Variants in AHI1 observed in about 807,000 individuals in gnomAD.
AHI1 encodes the protein jouberin.
A neutral mutation model predicts 149.3 loss-of-function variants in AHI1; 123 were observed. The observed-to-expected ratio is 0.82, with a 90% CI of 0.71 to 0.96. AHI1 has a LOEUF of 0.96. Among genes scored for constraint, AHI1 ranks in the 40% least tolerant of loss-of-function variants. The pLI is 0.00. For missense variants in AHI1, 1,439 were observed against 1,422.7 expected (o/e 1.01, Z -0.18); for synonymous variants, 475 against 459.8 (o/e 1.03, Z -0.42).
At chr6:135,393,336 T>A (rs112717259) in intron 23 of AHI1, among the ~76,000 whole-genome samples, 8 of 152,176 alleles carry the variant, frequency 5.3e-5, no homozygotes, top group African/African-American at 1.9e-4. Context: ...AGATACTGCT[T>A]AAATGAATTT....
At chr6:135,437,578 G>C (rs1004658877) in intron 15 of AHI1, among the ~76,000 whole-genome samples, 1 of 152,200 alleles carries the variant, frequency 6.6e-6, no homozygotes, top group African/African-American at 2.4e-5. Flanking sequence ...ATCAGTAGAA[G>C]AAGTGGTCTG....
At chr6:135,340,681 A>G (rs1329772823) in intron 24 of AHI1, among the ~76,000 whole-genome samples, 1 of 134,446 alleles carries the variant, frequency 7.4e-6, no homozygotes, top group Non-Finnish European at 1.6e-5. Context: ...ATATATATAT[A>G]TATATATATA....
chr6:135,445,553 A>C (rs1390513188), intron 13 of AHI1, among the ~76,000 whole-genome samples: 1 of 152,120 alleles, frequency 6.6e-6, no homozygotes, highest in Non-Finnish European at 1.5e-5. Flanking sequence ...GACATCAAAA[A>C]ATTTTTTTTT....
chr6:135,319,921 G>A (rs1786547767), intron 25 of AHI1, among the ~76,000 whole-genome samples: 1 of 152,142 alleles, frequency 6.6e-6, no homozygotes, highest in Non-Finnish European at 1.5e-5. Context: ...TTCTTTTATT[G>A]TGTTGTTCTC....
chr6:135,436,474 ATAAC>A (rs1235432159), intron 15 of AHI1, among the ~76,000 whole-genome samples: 2 of 152,242 alleles, frequency 1.3e-5, no homozygotes, highest in African/African-American at 4.8e-5. Flanking sequence ...GAAAGCCAGA[ATAAC>A]TGGGCTGAAG....
chr6:135,425,200 A>T (rs1236263759), intron 20 of AHI1, among the ~76,000 whole-genome samples: 1 of 151,980 alleles, frequency 6.6e-6, no homozygotes, highest in Non-Finnish European at 1.5e-5. Context: ...TATATTGCAC[A>T]AATAATTTAA....
At chr6:135,438,346 G>A in intron 15 of AHI1, 29 bp downstream of exon 15, 2 of 1,540,408 alleles carry the variant, frequency 1.3e-6, no homozygotes, top group Non-Finnish European at 1.8e-6. Context: ...CAAACAGCAT[G>A]CACATAAGTA....
chr6:135,405,604 T>C (rs1039065024), intron 21 of AHI1, among the ~76,000 whole-genome samples: 1 of 152,082 alleles, frequency 6.6e-6, no homozygotes, highest in Non-Finnish European at 1.5e-5. Context: ...TCACGCCTTG[T>C]AATCCCAGCA....
chr6:135,458,319 G>C (rs546473833), intron 8 of AHI1, among the ~76,000 whole-genome samples: 1 of 152,256 alleles, frequency 6.6e-6, no homozygotes, highest in Non-Finnish European at 1.5e-5. Flanking sequence ...ACTGCCAGGA[G>C]AATGAGAAAT....
chr6:135,430,946 A>G (rs1467232029), intron 17 of AHI1, among the ~76,000 whole-genome samples: 1 of 152,024 alleles, frequency 6.6e-6, no homozygotes, highest in African/African-American at 2.4e-5. Context: ...ATGTCACCCA[A>G]TGGATTACTG....
chr6:135,492,732 C>G lies in AHI1; in HGVS notation c.-54-441G>C, dbSNP rs1795421578. The G allele has an allele frequency of 3.6e-5, 35 of 985,384 alleles. No individual in the cohort carries two copies. In the South Asian group the frequency reaches 1.5e-3, roughly 41 times the overall value. 61.0% of individuals were successfully genotyped at this position (985,384 alleles called of 1,614,324 possible). On this transcript the variant is annotated intron_variant, in intron 3 of 28. Coordinates refer to ENST00000265602, the MANE Select transcript of AHI1 (RefSeq NM_001134831.2). ...ACACTCACAGTGAATTTAAATACCT[C>G]TGTGTCTGCCACTGAAAATTCTGCT...
intron 24 of AHI1, among the ~76,000 whole-genome samples, chr6:135,334,986 T>G (rs114543549): frequency 0.017 from 2,619 of 152,338 alleles, 34 homozygotes; most frequent in African/African-American, 0.033. Context: ...TAGTTAATAC[T>G]TTATTTTACT....
chr6:135,389,935 A>T (rs1473840466), intron 23 of AHI1, among the ~76,000 whole-genome samples: 7 of 152,176 alleles, frequency 4.6e-5, no homozygotes, highest in Admixed American at 4.6e-4. Context: ...TGTCCAACCC[A>T]TGGGCCACAT....
chr6:135,403,095 A>G (rs1780253038), intron 22 of AHI1, among the ~76,000 whole-genome samples: 1 of 152,140 alleles, frequency 6.6e-6, no homozygotes, highest in Non-Finnish European at 1.5e-5. Context: ...CAAATCTATA[A>G]AGCATATTAA....
chr6:135,363,117 A>G lies in AHI1; in HGVS notation c.3110-4930T>C, dbSNP rs1794178973. On this transcript the variant is annotated intron_variant, in intron 23 of 28. Coordinates refer to ENST00000265602, the MANE Select transcript of AHI1 (RefSeq NM_001134831.2). ...GCAGAGGGGGATTTGGCAGGGTCAC[A>G]GGACAATAGTGGAGGGAAGGTCAGT... 2.0e-5 allele frequency among the ~76,000 whole-genome samples: 3 copies of G among 151,538 alleles called. No homozygotes were observed. The South Asian group carries it at 6.2e-4, about 31-fold the overall frequency.
intron 26 of AHI1, chr6:135,300,854 A>C (rs953420605): frequency 2.4e-5 from 26 of 1,086,270 alleles, no homozygotes; most frequent in Non-Finnish European, 2.9e-5. Context: ...AATCAGTTTA[A>C]ATTAATCTCC....
At chr6:135,496,639 T>C (rs1583540645) in intron 2 of AHI1, among the ~76,000 whole-genome samples, 1 of 152,220 alleles carries the variant, frequency 6.6e-6, no homozygotes, top group Non-Finnish European at 1.5e-5. Context: ...CATTTTATTT[T>C]ACAGACAACC....
intron 11 of AHI1, among the ~76,000 whole-genome samples, 155 bp downstream of exon 11, chr6:135,453,186 A>C (rs888181634): frequency 6.6e-6 from 1 of 152,220 alleles, no homozygotes; most frequent in African/African-American, 2.4e-5. Context: ...AAGAATCTGA[A>C]TGAGCATAAC....
At chr6:135,427,423 T>A in intron 19 of AHI1, 116 bp from the exon 20 acceptor site, 1 of 881,202 alleles carries the variant, frequency 1.1e-6, no homozygotes, top group African/African-American at 1.7e-5. Flanking sequence ...ATGCTCACAT[T>A]ATTTATGTGA....
Sources: gnomAD v4.1 joint callset for allele counts (sites outside exome capture counted in the v4.1 genomes callset) on GRCh38, gnomAD v4.1.1 for gene constraint, MANE v1.5 for transcripts, NCBI Gene and HGNC (gene_info 2026-07-23, HGNC 2026-07-21) for gene names.